The following DGKA variants were observed in gnomAD, a reference collection of about 807,000 sequenced individuals.
The protein encoded by DGKA is diacylglycerol kinase alpha, also known as 80 kDa diacylglycerol kinase.
In DGKA, 35 loss-of-function variants were observed where a neutral mutation model predicts 105.0. The observed-to-expected ratio is 0.33, with a 90% CI of 0.25 to 0.44. The LOEUF (loss-of-function observed/expected upper bound fraction) is 0.44, where lower values mean the gene tolerates loss of function less well. Ranked by LOEUF, DGKA falls within the 20% of genes least tolerant of loss-of-function variation. DGKA has a pLI of 1.00. For missense variants in DGKA, 665 were observed against 915.0 expected (o/e 0.73, Z 3.53); for synonymous variants, 296 against 332.0 (o/e 0.89, Z 1.18).
At chr12:55,946,005 C>A (rs1362015060) in intron 17 of DGKA, among the ~76,000 whole-genome samples, 2 of 152,110 alleles carry the variant, frequency 1.3e-5, no homozygotes, top group Non-Finnish European at 2.9e-5. Context: ...CCATGCTGGT[C>A]TCGAACTCCT....
At chr12:55,927,687 AG>A (rs1883220738), upstream of DGKA, 3 of 1,537,692 alleles carry the variant, frequency 2.0e-6, no homozygotes, top group South Asian at 2.4e-5. Flanking sequence ...GACCCGCGGG[AG>A]GGGCGTGCAA....
At chr12:55,943,161 G>A (rs1437937233) in intron 17 of DGKA, 1 of 152,140 alleles carries the variant, frequency 6.6e-6, no homozygotes, top group Non-Finnish European at 1.5e-5. Context: ...TTTTGTATTA[G>A]TTGCCTTGCA....
rs79394909 is a variant in DGKA at position 55,937,222 on chromosome 12, C to A, written c.138+132C>A. On this transcript the variant is annotated intron_variant, in intron 3 of 23. Transcript: ENST00000331886. ...AGAGATACCCTAGTGTCCATTGTCACTCTGACTATTGCTTTAGGATAAAAC... is the reference window on the plus strand; with the variant it reads ...AGAGATACCCTAGTGTCCATTGTCAATCTGACTATTGCTTTAGGATAAAAC... 2.5e-3 allele frequency: 3,112 copies of A among 1,230,122 alleles called. 9 individuals are homozygous for A. Among genetic ancestry groups the A allele is most frequent in the African/African-American group, 0.012 (817 of 67,084 alleles). The allele number at this position is 1,230,122 out of a possible 1,614,324, so 76.2% of individuals were successfully genotyped here.
chr12:55,936,095 G>A, intron 1 of DGKA: 1 of 909,740 alleles, frequency 1.1e-6, no homozygotes, highest in Non-Finnish European at 1.3e-6. Flanking sequence ...CACACCCACA[G>A]AAACATATAT....
chr12:55,941,774 G>A (rs569720026), intron 15 of DGKA, among the ~76,000 whole-genome samples, 190 bp downstream of exon 15: 1 of 152,308 alleles, frequency 6.6e-6, no homozygotes, highest in Admixed American at 6.5e-5. Context: ...GCCCATCTTT[G>A]TCCTGCTCTC....
chr12:55,944,474 T>C (rs1206983772), intron 17 of DGKA, among the ~76,000 whole-genome samples: 1 of 151,862 alleles, frequency 6.6e-6, no homozygotes, highest in Non-Finnish European at 1.5e-5. Flanking sequence ...AATTAAAAAA[T>C]AAAAAGGAAA....
intron 17 of DGKA, among the ~76,000 whole-genome samples, chr12:55,949,977 A>ATT (rs768401446): frequency 2.1e-5 from 3 of 144,442 alleles, no homozygotes; most frequent in Admixed American, 6.9e-5. Flanking sequence ...CACCTGGCTA[A>ATT]TTTTTTTTTT....
chr12:55,940,113 C>T lies in DGKA; in HGVS notation c.741C>T (p.Ala247=). The change falls in exon 10 of 24, where the codon GCC becomes GCT. Residue 247 remains alanine (A), a synonymous_variant. Coordinates refer to ENST00000331886, the MANE Select transcript of DGKA (RefSeq NM_001345.5). The surrounding 1 kb of genome is among the most constrained non-coding windows in gnomAD (Gnocchi z 4.3). ...AGTACACTGTTCACGACCAGTGTGC[C>T]ATGAAAGCCCTGCCTTGTGAAGTCA... The part of the protein sequence containing the change: ...LCKYTVHDQC[A]MKALPCEVST... The T allele has an allele frequency of 6.2e-7, 1 of 1,614,214 alleles. No individual in the cohort carries two copies. The highest frequency in any genetic ancestry group is 1.6e-4 in the Middle Eastern group (1 of 6,062).
In DGKA at chr12:55,953,115, A is replaced by G; in HGVS notation, c.2018A>G (p.Lys673Arg). 1.2e-6 allele frequency: 2 copies of G among 1,614,196 alleles called. No homozygotes were observed. Among genetic ancestry groups the G allele is most frequent in the Non-Finnish European group, 1.7e-6 (2 of 1,180,042 alleles). ...ATGGGCCAAATCTATACCAAGCTCA[A>G]GAATGCTGGACGTCGGCTGGCCAAG... The part of the protein sequence containing the change: ...IEMGQIYTKL[K>R]NAGRRLAKCS... Residue 673 changes from lysine to arginine, a missense_variant, in exon 22 of 24, where the codon AAG (lysine) becomes AGG (arginine). Lys to Arg is a conservative substitution (Grantham distance 26). Coordinates refer to ENST00000331886, the MANE Select transcript of DGKA (RefSeq NM_001345.5).
At position 55,934,511 on chromosome 12, in the gene DGKA, G is replaced by A. The variant is rs564869197; in HGVS notation, c.-81-1912G>A. The stretch of plus-strand genomic sequence containing the variant: ...GTGCTGCATAAAAGTAGGCAGCAGA[G>A]ATGTCCCAAGGGAAGAGGCTGCAGA... On this transcript the variant is annotated intron_variant, in intron 1 of 23. Transcript: ENST00000331886. Among the ~76,000 whole-genome samples, 23 of 152,310 alleles carry A rather than the reference G, an allele frequency of 1.5e-4. No homozygotes were observed. The South Asian group carries it at 4.3e-3, about 29-fold the overall frequency.
chr12:55,942,874 A>C (rs1165323890), intron 17 of DGKA, among the ~76,000 whole-genome samples: 2 of 152,118 alleles, frequency 1.3e-5, no homozygotes, highest in Non-Finnish European at 2.9e-5. Context: ...TGGAGATCTT[A>C]GGGAATAGAG....
In DGKA at chr12:55,940,120, G is replaced by T. The variant is rs375423920; in HGVS notation, c.748G>T (p.Ala250Ser). 6.2e-7 allele frequency: 1 copy of T among 1,614,218 alleles called. No homozygotes were observed. The highest frequency in any genetic ancestry group is 1.3e-5 in the African/African-American group (1 of 75,054). ...YTVHDQCAMK[A>S]LPCEVSTYAK... ...TGTTCACGACCAGTGTGCCATGAAA[G>T]CCCTGCCTTGTGAAGTCAGCACCTA... Residue 250 changes from alanine (A) to serine (S), a missense_variant, in exon 10 of 24, where the codon GCC (alanine) becomes TCC (serine). Transcript: ENST00000331886. This position sits in a 1 kb window ranked among gnomAD's most constrained non-coding sequence, Gnocchi z 4.3.
At chr12:55,943,608 G>A (rs1051494624) in intron 17 of DGKA, among the ~76,000 whole-genome samples, 1 of 151,800 alleles carries the variant, frequency 6.6e-6, no homozygotes, top group African/African-American at 2.4e-5. Context: ...AGGTATTTGA[G>A]TGTGCAATCC....
chr12:55,940,445 A>G lies in DGKA; in HGVS notation c.918+12A>G. 6.2e-7 allele frequency: 1 copy of G among 1,613,706 alleles called. No individual in the cohort carries two copies. The highest frequency in any genetic ancestry group is 8.5e-7 in the Non-Finnish European group (1 of 1,179,868). ...GGTGCCACCTAGAGGTCAGTTTGGG[A>G]GCCATCCCTTCTGGGTGCGTCTTAC... On this transcript the variant is annotated intron_variant, in intron 11 of 23. Coordinates refer to ENST00000331886, the MANE Select transcript of DGKA (RefSeq NM_001345.5). This position sits in a 1 kb window ranked among gnomAD's most constrained non-coding sequence, Gnocchi z 4.3.
chr12:55,942,025 T>C lies in DGKA; in HGVS notation c.1278T>C (p.Asp426=). Residue 426 remains aspartate, a synonymous_variant, in exon 16 of 24, where the codon GAT becomes GAC. Transcript: ENST00000331886. ...IGLRLFKDVP[D]SRILVCGGDG... ...TCCGATTATTCAAGGATGTTCCTGA[T>C]AGCCGGATTTTGGTGTGTGGTGGAG... 6.2e-7 allele frequency: 1 copy of C among 1,614,218 alleles called. No individual in the cohort carries two copies. The highest frequency in any genetic ancestry group is 8.5e-7 in the Non-Finnish European group (1 of 1,180,036).
Position 55,940,853 on chromosome 12 carries a change from T to G in DGKA, c.1018-44T>G. ...TCAGACCCCTCTATTTAGGGATTCATGCACAATACAGCTTTTCTTCCCTCT... is the reference window on the plus strand; with the variant it reads ...TCAGACCCCTCTATTTAGGGATTCAGGCACAATACAGCTTTTCTTCCCTCT... On this transcript the variant is annotated intron_variant, in intron 12 of 23. Transcript: ENST00000331886. The surrounding 1 kb of genome is among the most constrained non-coding windows in gnomAD (Gnocchi z 4.3). 6.2e-7 allele frequency: 1 copy of G among 1,605,820 alleles called. No homozygotes were observed. The highest frequency in any genetic ancestry group is 1.1e-5 in the South Asian group (1 of 90,702).
chr12:55,948,716 C>CAA (rs879799559), intron 17 of DGKA, among the ~76,000 whole-genome samples: 9 of 131,772 alleles, frequency 6.8e-5, no homozygotes, highest in African/African-American at 2.2e-4. Flanking sequence ...GATCCTGTCT[C>CAA]AAAAAAAAAA....
At chr12:55,936,734 A>G in intron 2 of DGKA, 167 bp downstream of exon 2, 2 of 1,061,126 alleles carry the variant, frequency 1.9e-6, no homozygotes, top group Non-Finnish European at 2.9e-6. Flanking sequence ...GGGAGATGTC[A>G]GAAAAAGATC....
At chr12:55,939,914 G>T in intron 9 of DGKA, 168 bp from the exon 10 acceptor site, 1 of 636,656 alleles carries the variant, frequency 1.6e-6, no homozygotes. Context: ...TTAGGAGGAA[G>T]AGTAAGGAAA....
Sources: gnomAD v4.1 joint callset for allele counts (sites outside exome capture counted in the v4.1 genomes callset) on GRCh38, gnomAD v4.1.1 for gene constraint, Gnocchi (gnomAD v3.1) non-coding constraint, MANE v1.5 for transcripts, NCBI Gene and HGNC (gene_info 2026-07-23, HGNC 2026-07-21) for gene names.